The following CACNB2 variants were observed in gnomAD, a reference collection of about 807,000 sequenced individuals.
CACNB2 encodes the protein voltage-dependent L-type calcium channel subunit beta-2.
CACNB2 carries 42 observed loss-of-function variants against 73.3 expected under a neutral mutation model. The observed-to-expected ratio is 0.57, with a 90% CI of 0.45 to 0.74. The LOEUF (loss-of-function observed/expected upper bound fraction) is 0.74. Ranked by LOEUF, CACNB2 falls within the 30% of genes least tolerant of loss-of-function variation. The probability of loss-of-function intolerance (pLI) is 0.00; values close to 1 mark genes in which losing one functional copy is unlikely to be tolerated. For synonymous variants in CACNB2, 348 were observed against 310.3 expected, an observed-to-expected ratio of 1.12 and a Z score of -1.28; for missense variants, 940 against 853.0, an observed-to-expected ratio of 1.10 and a Z score of -1.27.
intron 2 of CACNB2, among the ~76,000 whole-genome samples, chr10:18,172,714 A>G (rs2033328401): frequency 6.6e-6 from 1 of 152,036 alleles, no homozygotes; most frequent in Non-Finnish European, 1.5e-5. Flanking sequence ...CTTTATTTTC[A>G]GTGGATGGTG....
intron 3 of CACNB2, among the ~76,000 whole-genome samples, chr10:18,406,096 G>T (rs572000336): frequency 4.7e-4 from 71 of 152,316 alleles, no homozygotes; most frequent in Middle Eastern, 6.8e-3. Context: ...CCCAGTTGGT[G>T]AATAGGAGAG....
At chr10:18,354,825 A>G (rs955637468) in intron 2 of CACNB2, among the ~76,000 whole-genome samples, 4 of 152,170 alleles carry the variant, frequency 2.6e-5, no homozygotes, top group Admixed American at 1.3e-4. Context: ...CTAAAGCACA[A>G]CCATAAAACC....
At chr10:18,155,105 C>T (rs144108444) in intron 2 of CACNB2, among the ~76,000 whole-genome samples, 537 of 152,202 alleles carry the variant, frequency 3.5e-3, no homozygotes, top group Middle Eastern at 0.024. Flanking sequence ...ATGTGTTCAG[C>T]CTGGTGAGTT....
intron 2 of CACNB2, among the ~76,000 whole-genome samples, chr10:18,173,875 T>C (rs1018883572): frequency 6.6e-6 from 1 of 152,232 alleles, no homozygotes; most frequent in Non-Finnish European, 1.5e-5. Context: ...TTTACGTTTC[T>C]ATAAAAGTGC....
intron 3 of CACNB2, among the ~76,000 whole-genome samples, chr10:18,412,903 G>C (rs189257193): frequency 6.6e-6 from 1 of 152,182 alleles, no homozygotes; most frequent in Non-Finnish European, 1.5e-5. Flanking sequence ...GCTGTGGTCT[G>C]TGCGTTGTAC....
At chr10:18,428,043 A>C (rs111975454) in intron 3 of CACNB2, among the ~76,000 whole-genome samples, 159 of 151,982 alleles carry the variant, frequency 1.0e-3, no homozygotes, top group African/African-American at 3.7e-3. Flanking sequence ...CATATGTAGT[A>C]TTTCATTATT....
intron 3 of CACNB2, among the ~76,000 whole-genome samples, chr10:18,489,108 T>C (rs2049254158): frequency 6.6e-6 from 1 of 151,884 alleles, no homozygotes; most frequent in Admixed American, 6.6e-5. Context: ...TATCAGGAGA[T>C]CAAGACCATC....
chr10:18,445,635 T>G (rs2046695807), intron 3 of CACNB2, among the ~76,000 whole-genome samples: 1 of 152,236 alleles, frequency 6.6e-6, no homozygotes, highest in South Asian at 2.1e-4. Flanking sequence ...TGCTTCATTC[T>G]GAAGACGGAA....
chr10:18,277,388 G>A (rs2038343932), intron 2 of CACNB2, among the ~76,000 whole-genome samples: 1 of 152,230 alleles, frequency 6.6e-6, no homozygotes, highest in African/African-American at 2.4e-5. Flanking sequence ...GCTTTTCTGA[G>A]TTGCCACAAG....
At chr10:18,463,888 C>T (rs563521848) in intron 3 of CACNB2, among the ~76,000 whole-genome samples, 3 of 152,114 alleles carry the variant, frequency 2.0e-5, no homozygotes, top group Non-Finnish European at 2.9e-5. Flanking sequence ...GCTCTGCCCC[C>T]CTTCCCAGCC....
At chr10:18,412,898 GGTCTGTGCGTT>G (rs945116236) in intron 3 of CACNB2, among the ~76,000 whole-genome samples, 10 of 152,186 alleles carry the variant, frequency 6.6e-5, no homozygotes, top group African/African-American at 2.4e-4. Flanking sequence ...AGCAGGCTGT[GGTCTGTGCGTT>G]GTACCCAGGA....
intron 2 of CACNB2, among the ~76,000 whole-genome samples, chr10:18,337,808 C>T (rs1293049337): frequency 6.6e-6 from 1 of 152,072 alleles, no homozygotes; most frequent in African/African-American, 2.4e-5. Flanking sequence ...GCAAATCATA[C>T]CATAGGTTCT....
chr10:18,532,495 A>G (rs2053130145), intron 10 of CACNB2, among the ~76,000 whole-genome samples: 1 of 152,016 alleles, frequency 6.6e-6, no homozygotes. Context: ...CAACATGGTG[A>G]AACGCCATCT....
chr10:18,352,647 T>A (rs147068269), intron 2 of CACNB2, among the ~76,000 whole-genome samples: 1 of 152,252 alleles, frequency 6.6e-6, no homozygotes, highest in East Asian at 1.9e-4. Flanking sequence ...TTAATTGTTA[T>A]ATGAATTACA....
intron 1 of CACNB2, chr10:18,141,304 C>T (rs1026193498): frequency 1.7e-6 from 2 of 1,177,958 alleles, no homozygotes; most frequent in Non-Finnish European, 2.5e-6. Flanking sequence ...CCGGGGTGGG[C>T]GTGGGTGTGA....
intron 3 of CACNB2, among the ~76,000 whole-genome samples, chr10:18,488,344 A>G (rs1191420964): frequency 7.9e-5 from 12 of 151,354 alleles, no homozygotes; most frequent in Admixed American, 7.9e-4. Flanking sequence ...GCGTGGTGGC[A>G]GGTGCCTGTA....
intron 2 of CACNB2, among the ~76,000 whole-genome samples, chr10:18,155,904 TA>T (rs201418020): frequency 0.16 from 22,682 of 145,812 alleles, 1,779 homozygotes; most frequent in South Asian, 0.17. Context: ...ATATTATATA[TA>T]TATATATATA....
chr10:18,447,059 C>CAA (rs373210078), intron 3 of CACNB2, among the ~76,000 whole-genome samples: 5 of 121,892 alleles, frequency 4.1e-5, no homozygotes, highest in African/African-American at 6.0e-5. Flanking sequence ...GGCTCTGTCT[C>CAA]AAAAAAAAAA....
intron 2 of CACNB2, among the ~76,000 whole-genome samples, chr10:18,219,317 G>A (rs1007323446): frequency 4.6e-5 from 7 of 152,166 alleles, no homozygotes; most frequent in African/African-American, 1.7e-4. Context: ...CTGAGGGTGG[G>A]GAATGAAGTG....
Sources: gnomAD v4.1 joint callset for allele counts (sites outside exome capture counted in the v4.1 genomes callset) on GRCh38, gnomAD v4.1.1 for gene constraint, MANE v1.5 for transcripts, NCBI Gene and HGNC (gene_info 2026-07-23, HGNC 2026-07-21) for gene names.